The following PCMT1 variants were observed in gnomAD, a reference collection of about 807,000 sequenced individuals.
PCMT1 encodes protein-L-isoaspartate(D-aspartate) O-methyltransferase.
Under a neutral mutation model 29.2 loss-of-function variants are expected in PCMT1, and 9 were observed. That is an observed-to-expected ratio of 0.31 (90% CI 0.19 to 0.54). The LOEUF (loss-of-function observed/expected upper bound fraction) is 0.54. Among genes scored for constraint, PCMT1 ranks in the 20% least tolerant of loss-of-function variants. The pLI, the probability that PCMT1 is intolerant of heterozygous loss-of-function variation, is 0.95. For synonymous variants in PCMT1, 98 were observed against 97.5 expected (o/e 1.00, Z -0.03); for missense variants, 184 against 282.2 (o/e 0.65, Z 2.49).
rs772380775 is a variant in PCMT1, at chr6:149,790,164, A to C, written c.297+106A>C. On this transcript the variant is annotated intron_variant, in intron 4 of 7. Transcript: ENST00000464889. ...TCATGTTTATTTGTTTGTTAATTCT[A>C]TTAGGATAGCAGTTGGAATGAGCAT... 6 of 690,472 alleles carry C rather than the reference A, an allele frequency of 8.7e-6. No individual in the cohort carries two copies. In the Admixed American group the frequency reaches 1.2e-4, roughly 13 times the overall value. 42.8% of individuals were successfully genotyped at this position (690,472 alleles called of 1,614,324 possible).
intron 6 of PCMT1, among the ~76,000 whole-genome samples, chr6:149,801,601 C>T (rs1775829614): frequency 6.6e-6 from 1 of 152,028 alleles, no homozygotes; most frequent in Admixed American, 6.5e-5. Flanking sequence ...CATCTGACAC[C>T]ATGCCTGGCT....
chr6:149,784,017 G>C (rs1003867485), intron 3 of PCMT1, among the ~76,000 whole-genome samples: 1 of 152,192 alleles, frequency 6.6e-6, no homozygotes, highest in Non-Finnish European at 1.5e-5. Context: ...ATGAGTCAGT[G>C]TCCTGAAGAA....
At chr6:149,791,055 G>A (rs930946436) in intron 4 of PCMT1, among the ~76,000 whole-genome samples, 15 of 152,054 alleles carry the variant, frequency 9.9e-5, no homozygotes, top group Non-Finnish European at 1.9e-4. Context: ...AGGGGGTCAG[G>A]CTTAGCCCCG....
At chr6:149,772,290 AAAAGTT>A (rs1787359258) in intron 2 of PCMT1, 1 of 337,466 alleles carries the variant, frequency 3.0e-6, no homozygotes. Context: ...AAAAGAAACT[AAAAGTT>A]AAGAACCACG....
chr6:149,808,492 A>G (rs1332176911), intron 7 of PCMT1, among the ~76,000 whole-genome samples: 3 of 152,162 alleles, frequency 2.0e-5, no homozygotes, highest in African/African-American at 7.2e-5. Flanking sequence ...ATTCAGGTCT[A>G]TAAACCTAAT....
intron 3 of PCMT1, among the ~76,000 whole-genome samples, chr6:149,783,526 G>A (rs189285053): frequency 1.4e-4 from 21 of 152,262 alleles, no homozygotes; most frequent in African/African-American, 5.1e-4. Context: ...GACATGTCCG[G>A]TGGTGTGGTG....
At chr6:149,793,488 A>G (rs1024959884) in intron 4 of PCMT1, 61 bp from the exon 5 acceptor site, 73 of 1,361,132 alleles carry the variant, frequency 5.4e-5, no homozygotes, top group East Asian at 2.8e-4. Context: ...AAAAACTTCA[A>G]TAATACTTTA....
chr6:149,801,847 G>A (rs998394076), intron 6 of PCMT1, among the ~76,000 whole-genome samples: 1 of 152,098 alleles, frequency 6.6e-6, no homozygotes, highest in African/African-American at 2.4e-5. Context: ...ATAAAATCTG[G>A]GCCGGGCACA....
At chr6:149,754,369 C>T (rs1385148300) in intron 1 of PCMT1, among the ~76,000 whole-genome samples, 1 of 152,096 alleles carries the variant, frequency 6.6e-6, no homozygotes, top group Non-Finnish European at 1.5e-5. Flanking sequence ...AAACCGTGAG[C>T]CTGCTTAATC....
intron 3 of PCMT1, among the ~76,000 whole-genome samples, chr6:149,774,954 G>A (rs894221437): frequency 1.3e-5 from 2 of 151,938 alleles, no homozygotes; most frequent in African/African-American, 2.4e-5. Context: ...TGATCCGCCC[G>A]CCTCGGCCTC....
At chr6:149,806,237 G>C (rs1045438574) in intron 7 of PCMT1, among the ~76,000 whole-genome samples, 1 of 152,164 alleles carries the variant, frequency 6.6e-6, no homozygotes, top group Non-Finnish European at 1.5e-5. Flanking sequence ...GAGATGCAAA[G>C]ACCAAGATGA....
chr6:149,806,696 C>G (rs893618746), intron 7 of PCMT1, among the ~76,000 whole-genome samples: 22 of 152,050 alleles, frequency 1.4e-4, no homozygotes, highest in African/African-American at 4.8e-4. Flanking sequence ...CTCAAGCGAT[C>G]CCCCCTGCCT....
intron 3 of PCMT1, among the ~76,000 whole-genome samples, chr6:149,789,426 T>C (rs887900427): frequency 2.0e-5 from 3 of 152,012 alleles, no homozygotes; most frequent in Non-Finnish European, 4.4e-5. Flanking sequence ...TGGTGGCTTA[T>C]GTATGTCATC....
At chr6:149,808,226 A>G (rs1205281880) in intron 7 of PCMT1, among the ~76,000 whole-genome samples, 2 of 152,106 alleles carry the variant, frequency 1.3e-5, no homozygotes, top group African/African-American at 4.8e-5. Flanking sequence ...ATATACAGTT[A>G]TTAACCTAAT....
At chr6:149,769,464 C>G (rs1470823959) in intron 1 of PCMT1, among the ~76,000 whole-genome samples, 2 of 151,488 alleles carry the variant, frequency 1.3e-5, no homozygotes, top group Non-Finnish European at 2.9e-5. Flanking sequence ...CAGGGGTGCG[C>G]CACCACACCT....
intron 1 of PCMT1, among the ~76,000 whole-genome samples, chr6:149,751,328 A>T (rs9479808): frequency 0.44 from 66,007 of 151,646 alleles, 15,355 homozygotes; most frequent in East Asian, 0.81. Flanking sequence ...CAAAAAAAAA[A>T]TTTTTTTTTG....
chr6:149,758,435 C>G (rs548843332), intron 1 of PCMT1, among the ~76,000 whole-genome samples: 4 of 151,718 alleles, frequency 2.6e-5, no homozygotes, highest in Non-Finnish European at 5.9e-5. Context: ...TGGTCTCAAA[C>G]TCCTGACTTT....
At chr6:149,800,341 C>T (rs1481802116) in intron 6 of PCMT1, among the ~76,000 whole-genome samples, 2 of 151,944 alleles carry the variant, frequency 1.3e-5, no homozygotes, top group African/African-American at 2.4e-5. Flanking sequence ...CGGTGGTGGG[C>T]ACCTGTAATC....
chr6:149,802,256 C>A lies in PCMT1; in HGVS notation c.561C>A (p.Gly187=). Residue 187 remains glycine (G), a synonymous_variant, in exon 7 of 8, where the codon GGC becomes GGA. Coordinates refer to ENST00000464889, the MANE Select transcript of PCMT1 (RefSeq NM_001360452.2). ...GRLILPVGPA[G]GNQMLEQYDK... ...TGATATTGCCTGTTGGTCCTGCAGGCGGAAACCAAATGTTGGAGCAGTATG... is the reference window on the plus strand; with the variant it reads ...TGATATTGCCTGTTGGTCCTGCAGGAGGAAACCAAATGTTGGAGCAGTATG... The A allele has an allele frequency of 1.9e-6, 3 of 1,612,668 alleles. No individual in the cohort carries two copies. Among genetic ancestry groups the A allele is most frequent in the Non-Finnish European group, 1.7e-6 (2 of 1,179,278 alleles).
Sources: gnomAD v4.1 joint callset for allele counts (sites outside exome capture counted in the v4.1 genomes callset) on GRCh38, gnomAD v4.1.1 for gene constraint, MANE v1.5 for transcripts, NCBI Gene and HGNC (gene_info 2026-07-23, HGNC 2026-07-21) for gene names.